Variants in DPYD observed in about 807,000 individuals in gnomAD.
DPYD encodes dihydropyrimidine dehydrogenase.
A neutral mutation model predicts 116.2 loss-of-function variants in DPYD; 109 were observed. That is an observed-to-expected ratio of 0.94 (90% confidence interval 0.80 to 1.10). The LOEUF (loss-of-function observed/expected upper bound fraction) is 1.10, where lower values mean the gene tolerates loss of function less well. Among genes scored for constraint, DPYD ranks in the 50% least tolerant of loss-of-function variants. DPYD has a pLI of 0.00. For synonymous variants in DPYD, 440 were observed against 432.0 expected (o/e 1.02, Z -0.23); for missense variants, 1,302 against 1,254.5 (o/e 1.04, Z -0.57).
intron 18 of DPYD, among the ~76,000 whole-genome samples, chr1:97,237,276 G>T (rs1341914005): frequency 2.1e-5 from 3 of 140,512 alleles, no homozygotes; most frequent in East Asian, 2.1e-4. Flanking sequence ...AAAAAAATCG[G>T]TGGCTTTCTT....
intron 16 of DPYD, among the ~76,000 whole-genome samples, chr1:97,362,321 G>T (rs1670776912): frequency 6.6e-6 from 1 of 152,090 alleles, no homozygotes; most frequent in South Asian, 2.1e-4. Context: ...ACAAATGGAA[G>T]AACATTCCAT....
intron 3 of DPYD, among the ~76,000 whole-genome samples, chr1:97,741,661 T>C (rs1251792147): frequency 1.3e-5 from 2 of 152,154 alleles, no homozygotes; most frequent in Non-Finnish European, 2.9e-5. Flanking sequence ...CTCCATTACA[T>C]AGCAGACCCT....
chr1:97,398,702 A>G (rs889109382), intron 14 of DPYD, among the ~76,000 whole-genome samples: 6 of 152,126 alleles, frequency 3.9e-5, no homozygotes, highest in African/African-American at 1.4e-4. Flanking sequence ...GCCAGTGATG[A>G]TGAGCATTTT....
At chr1:97,628,987 G>A (rs1055239123) in intron 8 of DPYD, among the ~76,000 whole-genome samples, 1 of 152,008 alleles carries the variant, frequency 6.6e-6, no homozygotes, top group Non-Finnish European at 1.5e-5. Flanking sequence ...GGGCTTTAGG[G>A]ATAACTCATA....
At chr1:97,270,003 T>A (rs1206430069) in intron 18 of DPYD, among the ~76,000 whole-genome samples, 1 of 152,200 alleles carries the variant, frequency 6.6e-6, no homozygotes, top group African/African-American at 2.4e-5. Context: ...TTGGCTCAAA[T>A]GAAGAACTGT....
intron 13 of DPYD, among the ~76,000 whole-genome samples, chr1:97,501,334 T>C (rs1463325935): frequency 1.3e-5 from 2 of 152,066 alleles, no homozygotes; most frequent in African/African-American, 4.8e-5. Flanking sequence ...CTATGAATTA[T>C]ACCCCCGATT....
intron 1 of DPYD, among the ~76,000 whole-genome samples, chr1:97,897,339 T>C (rs1673128669): frequency 6.6e-6 from 1 of 152,050 alleles, no homozygotes; most frequent in African/African-American, 2.4e-5. Context: ...TCTTTATCAC[T>C]AGTTTTGACC....
At chr1:97,777,005 A>G (rs1417519617) in intron 3 of DPYD, among the ~76,000 whole-genome samples, 1 of 152,152 alleles carries the variant, frequency 6.6e-6, no homozygotes, top group Admixed American at 6.5e-5. Flanking sequence ...ACTTTTCGAC[A>G]AAAGTTATAT....
intron 1 of DPYD, among the ~76,000 whole-genome samples, chr1:97,901,550 C>T (rs932542837): frequency 2.6e-5 from 4 of 151,630 alleles, no homozygotes; most frequent in Non-Finnish European, 5.9e-5. Context: ...TGTAAAGAGA[C>T]AGAAAAGTAA....
At position 97,399,265 on chromosome 1, in the gene DPYD, G is replaced by A. The variant is rs1335749822; in HGVS notation, c.1906-16804C>T. ...AAAGATCAGATAGTTGTAGATGTGTGGCATTATTTCTGAGGGCTCTGTTCT... is the reference window on the plus strand; with the variant it reads ...AAAGATCAGATAGTTGTAGATGTGTAGCATTATTTCTGAGGGCTCTGTTCT... On this transcript the variant is annotated intron_variant, in intron 14 of 22. Coordinates refer to ENST00000370192, the MANE Select transcript of DPYD (RefSeq NM_000110.4). Among the ~76,000 whole-genome samples the A allele has an allele frequency of 1.3e-4, 20 of 152,102 alleles. 1 individual carries two copies. Among genetic ancestry groups the A allele is most frequent in the African/African-American group, 2.4e-5 (1 of 41,432 alleles).
intron 3 of DPYD, among the ~76,000 whole-genome samples, chr1:97,765,489 A>G (rs1571321684): frequency 2.0e-5 from 3 of 152,160 alleles, no homozygotes; most frequent in Admixed American, 1.3e-4. Flanking sequence ...CAGAGAATCT[A>G]CCCCAGGAAT....
chr1:97,574,688 A>G (rs962341369), intron 10 of DPYD, among the ~76,000 whole-genome samples: 1 of 152,080 alleles, frequency 6.6e-6, no homozygotes, highest in Non-Finnish European at 1.5e-5. Flanking sequence ...CAGAATATTA[A>G]TGTTTACTCA....
chr1:97,407,226 A>G (rs1570683522), intron 14 of DPYD, among the ~76,000 whole-genome samples: 1 of 152,222 alleles, frequency 6.6e-6, no homozygotes, highest in Non-Finnish European at 1.5e-5. Context: ...AATGATGCAC[A>G]ACATCAAATA....
At chr1:97,161,574 T>C (rs1655898483) in intron 20 of DPYD, among the ~76,000 whole-genome samples, 1 of 152,076 alleles carries the variant, frequency 6.6e-6, no homozygotes, top group Admixed American at 6.6e-5. Context: ...TTTAATTTAA[T>C]TTTATTATTA....
chr1:97,483,980 G>T (rs1367984078), intron 13 of DPYD, among the ~76,000 whole-genome samples: 3 of 152,176 alleles, frequency 2.0e-5, no homozygotes, highest in African/African-American at 7.2e-5. Flanking sequence ...ACATCTGACT[G>T]ATATTTTGGT....
rs548843053 is a variant in DPYD, at chr1:97,820,207, C to A, written c.233+7907G>T. 2.0e-5 allele frequency among the ~76,000 whole-genome samples: 3 copies of A among 152,180 alleles called. No homozygotes were observed. The South Asian group carries it at 6.2e-4, about 32-fold the overall frequency. ...TAATACCTAGGTTCCAGTAGTAACA[C>A]AACCCTTAGGTCAGATGGTAGTCAA... On this transcript the variant is annotated intron_variant, in intron 3 of 22. Coordinates refer to ENST00000370192, the MANE Select transcript of DPYD (RefSeq NM_000110.4).
chr1:97,488,210 C>T (rs1678759250), intron 13 of DPYD, among the ~76,000 whole-genome samples: 1 of 151,660 alleles, frequency 6.6e-6, no homozygotes, highest in Admixed American at 6.6e-5. Context: ...TCTATTTATA[C>T]AATATTTTTG....
chr1:97,713,990 T>C (rs1475221470), intron 5 of DPYD, among the ~76,000 whole-genome samples: 1 of 152,124 alleles, frequency 6.6e-6, no homozygotes, highest in African/African-American at 2.4e-5. Flanking sequence ...TATATATTAG[T>C]AATTTTTCAT....
intron 18 of DPYD, among the ~76,000 whole-genome samples, chr1:97,288,461 A>C (rs1665892720): frequency 6.6e-6 from 1 of 152,052 alleles, no homozygotes; most frequent in Non-Finnish European, 1.5e-5. Flanking sequence ...GCAAATGTAA[A>C]AGAACAGAAA....
Sources: gnomAD v4.1 joint callset for allele counts (sites outside exome capture counted in the v4.1 genomes callset) on GRCh38, gnomAD v4.1.1 for gene constraint, MANE v1.5 for transcripts, NCBI Gene and HGNC (gene_info 2026-07-23, HGNC 2026-07-21) for gene names.